NKAIN2: variants seen among roughly 807,000 people sequenced by gnomAD.
NKAIN2 encodes the protein sodium/potassium-transporting ATPase subunit beta-1-interacting protein 2.
In NKAIN2, 14 loss-of-function variants were observed where a neutral mutation model predicts 32.6. The observed-to-expected ratio is 0.43, with a 90% CI of 0.28 to 0.67. NKAIN2 has a LOEUF of 0.67. NKAIN2 is among the 30% of genes least tolerant of loss of function. The pLI is 0.17. For missense variants in NKAIN2, 198 were observed against 258.3 expected (o/e 0.77, Z 1.60); for synonymous variants, 80 against 87.2 (o/e 0.92, Z 0.46).
At chr6:124,435,015 G>GA (rs1222891715) in intron 3 of NKAIN2, among the ~76,000 whole-genome samples, 2 of 152,084 alleles carry the variant, frequency 1.3e-5, no homozygotes, top group African/African-American at 4.8e-5. Context: ...CAAGAGAACA[G>GA]AAATAAAAAT....
intron 4 of NKAIN2, among the ~76,000 whole-genome samples, chr6:124,709,824 A>G (rs1775338693): frequency 6.6e-6 from 1 of 150,698 alleles, no homozygotes; most frequent in Non-Finnish European, 1.5e-5. Context: ...TTGTGTCTCT[A>G]TTTCCTTCAG....
At chr6:124,199,004 A>T (rs565842525) in intron 1 of NKAIN2, among the ~76,000 whole-genome samples, 2 of 152,224 alleles carry the variant, frequency 1.3e-5, no homozygotes, top group Non-Finnish European at 2.9e-5. Context: ...GTTATTTTAT[A>T]ATCTGCTTTT....
chr6:124,309,046 C>T (rs1179627624), intron 2 of NKAIN2, among the ~76,000 whole-genome samples: 1 of 151,984 alleles, frequency 6.6e-6, no homozygotes, highest in African/African-American at 2.4e-5. Flanking sequence ...TCTATTTTAC[C>T]TTTGAAATTT....
At chr6:124,627,932 TCA>T (rs1385074560) in intron 3 of NKAIN2, among the ~76,000 whole-genome samples, 4 of 152,042 alleles carry the variant, frequency 2.6e-5, no homozygotes, top group African/African-American at 9.7e-5. Context: ...ACTCATCTGT[TCA>T]CACACATTCA....
rs548634641 is a variant in NKAIN2, at chr6:124,727,342, G to T, written c.475-63997G>T. 1.9e-4 allele frequency among the ~76,000 whole-genome samples: 29 copies of T among 152,174 alleles called. 1 individual carries two copies. The highest frequency in any genetic ancestry group is 3.8e-4 in the Non-Finnish European group (26 of 68,044). ...GTTACCCTCAAAGGGAAGCCCATCAGACTAACAGTGGATCTCTTGGCAGAA... is the reference window on the plus strand; with the variant it reads ...GTTACCCTCAAAGGGAAGCCCATCATACTAACAGTGGATCTCTTGGCAGAA... On this transcript the variant is annotated intron_variant, in intron 4 of 6. Transcript: ENST00000368417.
chr6:124,560,475 CA>C (rs753298538), intron 3 of NKAIN2, among the ~76,000 whole-genome samples: 5 of 152,194 alleles, frequency 3.3e-5, no homozygotes, highest in Non-Finnish European at 7.3e-5. Context: ...CTAATACAAG[CA>C]TCATAATTAA....
chr6:123,919,142 T>C (rs1245673294), intron 1 of NKAIN2, among the ~76,000 whole-genome samples: 1 of 152,118 alleles, frequency 6.6e-6, no homozygotes, highest in African/African-American at 2.4e-5. Context: ...TAAACAATAT[T>C]GTATGTTTTA....
rs188552549 is a variant in NKAIN2, at chr6:123,961,755, C to T, written c.54+157501C>T. Among the ~76,000 whole-genome samples, 832 of 152,140 alleles carry T rather than the reference C, an allele frequency of 5.5e-3. 4 individuals carry two copies. The highest frequency in any genetic ancestry group is 0.018 in the African/African-American group (753 of 41,532). On this transcript the variant is annotated intron_variant, in intron 1 of 6. Coordinates refer to ENST00000368417, the MANE Select transcript of NKAIN2 (RefSeq NM_001040214.3). ...TTTAACACCTGGGAATGAAGCTTTTCCCCCTTTCTGTAACTTCTTACGTTG... is the reference window on the plus strand; with the variant it reads ...TTTAACACCTGGGAATGAAGCTTTTTCCCCTTTCTGTAACTTCTTACGTTG...
chr6:124,145,719 G>T (rs186806895), intron 1 of NKAIN2, among the ~76,000 whole-genome samples: 1 of 152,040 alleles, frequency 6.6e-6, no homozygotes, highest in Non-Finnish European at 1.5e-5. Context: ...GTTAGCCAGG[G>T]TGGTCTCGAT....
chr6:124,288,854 GACAT>G (rs1159131624), intron 2 of NKAIN2, among the ~76,000 whole-genome samples: 1 of 152,024 alleles, frequency 6.6e-6, no homozygotes, highest in African/African-American at 2.4e-5. Flanking sequence ...CACCAATATA[GACAT>G]ACATACATAC....
intron 1 of NKAIN2, among the ~76,000 whole-genome samples, chr6:123,906,508 G>T (rs937659870): frequency 2.0e-5 from 3 of 152,066 alleles, no homozygotes; most frequent in Non-Finnish European, 4.4e-5. Flanking sequence ...GCCCAGGCTG[G>T]TCTTGAATTC....
intron 3 of NKAIN2, among the ~76,000 whole-genome samples, chr6:124,403,470 T>A (rs1247288135): frequency 6.6e-6 from 1 of 152,200 alleles, no homozygotes; most frequent in Non-Finnish European, 1.5e-5. Flanking sequence ...CTTCGCTGGT[T>A]AGGAGTTATT....
At chr6:124,665,004 G>A (rs1199040621) in intron 4 of NKAIN2, among the ~76,000 whole-genome samples, 1 of 151,928 alleles carries the variant, frequency 6.6e-6, no homozygotes, top group Non-Finnish European at 1.5e-5. Context: ...GAAAAATGTA[G>A]TAGGTCCCTT....
chr6:124,709,210 G>C (rs1197053824), intron 4 of NKAIN2, among the ~76,000 whole-genome samples: 1 of 147,970 alleles, frequency 6.8e-6, no homozygotes, highest in Non-Finnish European at 1.5e-5. Flanking sequence ...TGGTGGATAA[G>C]CTTTTTGATG....
chr6:124,812,112 A>T (rs933186681), intron 5 of NKAIN2, among the ~76,000 whole-genome samples: 1 of 152,194 alleles, frequency 6.6e-6, no homozygotes, highest in Non-Finnish European at 1.5e-5. Context: ...ATGCAAATGC[A>T]TGTCCTAACC....
chr6:124,378,929 ATT>A (rs538033796), intron 3 of NKAIN2, among the ~76,000 whole-genome samples: 82 of 139,106 alleles, frequency 5.9e-4, no homozygotes, highest in African/African-American at 2.0e-3. Context: ...CTGACTCTAC[ATT>A]TTTTTTTTTT....
At chr6:124,700,088 C>G (rs189019902) in intron 4 of NKAIN2, among the ~76,000 whole-genome samples, 1 of 152,074 alleles carries the variant, frequency 6.6e-6, no homozygotes, top group Non-Finnish European at 1.5e-5. Context: ...GATGATTTAT[C>G]GATATATTTT....
chr6:124,043,184 C>A (rs573378243), intron 1 of NKAIN2, among the ~76,000 whole-genome samples: 1 of 152,088 alleles, frequency 6.6e-6, no homozygotes, highest in East Asian at 1.9e-4. Flanking sequence ...ATGGCAAAAC[C>A]TTGTCTCTAC....
chr6:124,796,022 C>T (rs186863180), intron 5 of NKAIN2, among the ~76,000 whole-genome samples: 6 of 152,244 alleles, frequency 3.9e-5, no homozygotes, highest in Non-Finnish European at 7.4e-5. Flanking sequence ...TAAGCCAGAG[C>T]CACAGTTTGG....
Sources: gnomAD v4.1 joint callset for allele counts (sites outside exome capture counted in the v4.1 genomes callset) on GRCh38, gnomAD v4.1.1 for gene constraint, MANE v1.5 for transcripts, NCBI Gene and HGNC (gene_info 2026-07-23, HGNC 2026-07-21) for gene names.